SMC2: variants seen among roughly 807,000 people sequenced by gnomAD.
SMC2 encodes the protein structural maintenance of chromosomes 2.
A neutral mutation model predicts 142.6 loss-of-function variants in SMC2; 41 were observed. That is an observed-to-expected ratio of 0.29 (90% CI 0.22 to 0.37). The LOEUF (loss-of-function observed/expected upper bound fraction) is 0.37. SMC2 is among the 10% of genes least tolerant of loss of function. SMC2 has a pLI of 1.00. For synonymous variants in SMC2, 463 were observed against 457.5 expected, an observed-to-expected ratio of 1.01 and a Z score of -0.15; for missense variants, 1,265 against 1,373.7, an observed-to-expected ratio of 0.92 and a Z score of 1.25.
chr9:104,093,695 G>A (rs544355769), upstream of SMC2, among the ~76,000 whole-genome samples: 1 of 152,276 alleles, frequency 6.6e-6, no homozygotes, highest in Non-Finnish European at 1.5e-5. Flanking sequence ...AACAGCTCTC[G>A]GTAGACTACG....
chr9:104,091,655 C>A (rs1450739703), upstream of SMC2, among the ~76,000 whole-genome samples: 1 of 152,212 alleles, frequency 6.6e-6, no homozygotes, highest in Admixed American at 6.5e-5. Context: ...TTCCTTACTT[C>A]TGCGGTAAAG....
intron 9 of SMC2, among the ~76,000 whole-genome samples, chr9:104,107,652 G>A (rs1460048688): frequency 6.6e-6 from 1 of 152,188 alleles, no homozygotes; most frequent in East Asian, 1.9e-4. Flanking sequence ...TCATTAGTAA[G>A]TGCCACCAGC....
intron 23 of SMC2, among the ~76,000 whole-genome samples, chr9:104,135,104 A>C (rs1462635736): frequency 6.6e-6 from 1 of 152,118 alleles, no homozygotes; most frequent in Non-Finnish European, 1.5e-5. Context: ...GTGTTCTTTA[A>C]AGAAGGTTAA....
intron 13 of SMC2, 23 bp from the exon 14 acceptor site, chr9:104,116,177 T>G: frequency 6.4e-7 from 1 of 1,554,922 alleles, no homozygotes. Context: ...CATGCGTTTT[T>G]TAAATTCAAA....
chr9:104,129,655 T>C lies in SMC2; in HGVS notation c.2801T>C (p.Met934Thr), dbSNP rs1834722986. The C allele has an allele frequency of 6.2e-7, 1 of 1,613,618 alleles. No individual in the cohort carries two copies. Among genetic ancestry groups the C allele is most frequent in the African/African-American group, 1.3e-5 (1 of 74,908 alleles). Reference sequence around the variant, plus strand: ...TTTATATGTGGCTAGGTATCCAAAATGTTGAAAGATTATGACTGGATTAAT... The same window carrying C: ...TTTATATGTGGCTAGGTATCCAAAACGTTGAAAGATTATGACTGGATTAAT... ...AEDGAAKVSKMLKDYDWINAE... is the reference protein window; with the variant it reads ...AEDGAAKVSKTLKDYDWINAE... Residue 934 changes from methionine to threonine, a missense_variant, in exon 21 of 25, where the codon ATG becomes ACG. Transcript: ENST00000374793.
chr9:104,105,035 T>TA (rs1202962829), intron 9 of SMC2, among the ~76,000 whole-genome samples: 1 of 152,224 alleles, frequency 6.6e-6, no homozygotes, highest in East Asian at 1.9e-4. Flanking sequence ...TTTATCTAGA[T>TA]ACAGCAGGAA....
At chr9:104,118,633 G>GTTTGCAGATCTTTGTCAA (rs1363837643) in intron 15 of SMC2, among the ~76,000 whole-genome samples, 4 of 152,102 alleles carry the variant, frequency 2.6e-5, no homozygotes, top group Admixed American at 1.3e-4. Context: ...GCCACACTGA[G>GTTTGCAGATCTTTGTCAA]TTTGCAGATC....
rs367926564 is a variant in SMC2, at chr9:104,129,266, G to A, written c.2791-379G>A. Among the ~76,000 whole-genome samples, 111 of 152,212 alleles carry A rather than the reference G, an allele frequency of 7.3e-4. 3 individuals carry two copies. In the South Asian group the frequency reaches 0.022, roughly 31 times the overall value. On this transcript the variant is annotated intron_variant, in intron 20 of 24. Transcript: ENST00000374793. The stretch of plus-strand genomic sequence containing the variant: ...GCCTGTAATCCCAGCACTTTGGGAG[G>A]CCGAGGTTGGCAGATCACCTGAGGT...
chr9:104,107,632 G>A (rs1831955785), intron 9 of SMC2, among the ~76,000 whole-genome samples: 1 of 152,164 alleles, frequency 6.6e-6, no homozygotes, highest in African/African-American at 2.4e-5. Flanking sequence ...CCAGCTGTGG[G>A]GCTTCTTTTT....
chr9:104,103,943 A>G (rs889099873), intron 9 of SMC2, among the ~76,000 whole-genome samples: 4 of 152,104 alleles, frequency 2.6e-5, no homozygotes, highest in African/African-American at 9.7e-5. Flanking sequence ...TGAGGTTTGT[A>G]AAGCTCTAAA....
At chr9:104,114,437 T>C (rs1417843038) in intron 12 of SMC2, among the ~76,000 whole-genome samples, 1 of 152,224 alleles carries the variant, frequency 6.6e-6, no homozygotes, top group Non-Finnish European at 1.5e-5. Context: ...ACAGTAATCA[T>C]ATGTATTATA....
chr9:104,120,119 G>A lies in SMC2; in HGVS notation c.2089G>A (p.Ala697Thr). 1 of 1,613,644 alleles carries A rather than the reference G, an allele frequency of 6.2e-7. No individual in the cohort carries two copies. Residue 697 changes from alanine to threonine, a missense_variant, in exon 16 of 25, where the codon GCT (alanine) becomes ACT (threonine). By Grantham distance (58) the Ala-to-Thr change is moderately conservative. Coordinates refer to ENST00000374793, the MANE Select transcript of SMC2 (RefSeq NM_006444.3). ...ELRIKENELRALEEELAGLKN... is the reference protein window; with the variant it reads ...ELRIKENELRTLEEELAGLKN... ...GAGAATCAAAGAGAATGAGCTGCGGGCTCTAGAAGAGGAATTAGCAGGTCT... is the reference window on the plus strand; with the variant it reads ...GAGAATCAAAGAGAATGAGCTGCGGACTCTAGAAGAGGAATTAGCAGGTCT...
At chr9:104,127,211 C>A in intron 19 of SMC2, 75 bp from the exon 20 acceptor site, 1 of 1,172,392 alleles carries the variant, frequency 8.5e-7, no homozygotes, top group Non-Finnish European at 1.2e-6. Flanking sequence ...AGGGATCTGT[C>A]AGATAATTGT....
chr9:104,122,644 C>CTAAG, intron 16 of SMC2, among the ~76,000 whole-genome samples: 1 of 152,042 alleles, frequency 6.6e-6, no homozygotes, highest in African/African-American at 2.4e-5. Context: ...TTTTAAACAA[C>CTAAG]TAAGTTCAAA....
intron 10 of SMC2, 41 bp downstream of exon 10, chr9:104,111,855 C>A: frequency 1.5e-6 from 2 of 1,376,824 alleles, no homozygotes; most frequent in Non-Finnish European, 2.0e-6. Flanking sequence ...CTTTTTTTTC[C>A]AAGAAGTTTC....
chr9:104,129,618 C>T (rs1180422813), intron 20 of SMC2, 27 bp from the exon 21 acceptor site: 1 of 1,517,650 alleles, frequency 6.6e-7, no homozygotes, highest in Non-Finnish European at 9.2e-7. Flanking sequence ...ATTCATAGAT[C>T]TCCCATCTAT....
intron 14 of SMC2, 49 bp from the exon 15 acceptor site, chr9:104,118,122 A>C (rs368273939): frequency 7.0e-7 from 1 of 1,428,008 alleles, no homozygotes; most frequent in Non-Finnish European, 9.7e-7. Flanking sequence ...TCATATCTGA[A>C]AGGAAAAGTA....
upstream of SMC2, among the ~76,000 whole-genome samples, chr9:104,091,057 T>C (rs1347044116): frequency 6.6e-6 from 1 of 152,206 alleles, no homozygotes; most frequent in Non-Finnish European, 1.5e-5. Flanking sequence ...TTTTAAATTA[T>C]ACTTAGCTGT....
At position 104,118,395 on chromosome 9, in the gene SMC2, C is replaced by G. The variant is rs754408853; in HGVS notation, c.1996+20C>G. On this transcript the variant is annotated intron_variant, in intron 15 of 24. Transcript: ENST00000374793. ...GTGGAGGTAAGTTTTATATCCTTTTCTCCTCACAATTCTTTGTGGTAAATA... is the reference window on the plus strand; with the variant it reads ...GTGGAGGTAAGTTTTATATCCTTTTGTCCTCACAATTCTTTGTGGTAAATA... 2.5e-6 allele frequency: 4 copies of G among 1,589,760 alleles called. No homozygotes were observed.
Sources: allele counts gnomAD v4.1 joint callset (sites outside exome capture counted in the v4.1 genomes callset), GRCh38; gene constraint gnomAD v4.1.1; transcripts MANE v1.5; gene names NCBI Gene and HGNC (gene_info 2026-07-23, HGNC 2026-07-21).